The following COLEC11 variants were observed in gnomAD, a reference collection of about 807,000 sequenced individuals.
The protein encoded by COLEC11 is collectin-11.
Under a neutral mutation model 27.3 loss-of-function variants are expected in COLEC11, and 20 were observed. That is an observed-to-expected ratio of 0.73 (90% CI 0.51 to 1.06). The LOEUF (loss-of-function observed/expected upper bound fraction) is 1.06, where lower values mean the gene tolerates loss of function less well. COLEC11 is among the 50% of genes least tolerant of loss of function. COLEC11 has a pLI of 0.00. For synonymous variants in COLEC11, 163 were observed against 154.7 expected, an observed-to-expected ratio of 1.05 and a Z score of -0.40; for missense variants, 310 against 383.0, an observed-to-expected ratio of 0.81 and a Z score of 1.59.
At chr2:3,639,280 G>A (rs1665673225) in intron 4 of COLEC11, among the ~76,000 whole-genome samples, 2 of 152,220 alleles carry the variant, frequency 1.3e-5, no homozygotes, top group African/African-American at 4.8e-5. Flanking sequence ...TCACACATGG[G>A]GATGTGTATA....
chr2:3,607,551 G>GA (rs1662829229), intron 2 of COLEC11, among the ~76,000 whole-genome samples: 1 of 147,344 alleles, frequency 6.8e-6, no homozygotes, highest in Admixed American at 7.1e-5. Context: ...AGGTTCAAGT[G>GA]ATTCTCCTGC....
intron 3 of COLEC11, among the ~76,000 whole-genome samples, chr2:3,627,001 C>T (rs1480950563): frequency 6.6e-6 from 1 of 152,214 alleles, no homozygotes. Context: ...CCCACTGGCT[C>T]TTCTGCCCGT....
chr2:3,617,989 T>G (rs1387250318), intron 3 of COLEC11, among the ~76,000 whole-genome samples: 4 of 152,268 alleles, frequency 2.6e-5, no homozygotes, highest in Non-Finnish European at 5.9e-5. Flanking sequence ...TTTGTATGTC[T>G]TCTTAGAAAA....
chr2:3,634,238 C>T (rs1665222199), intron 3 of COLEC11, among the ~76,000 whole-genome samples: 1 of 152,220 alleles, frequency 6.6e-6, no homozygotes, highest in African/African-American at 2.4e-5. Flanking sequence ...AGGGTACGTC[C>T]TGGGGAAAGG....
chr2:3,635,952 A>C (rs186273450), intron 3 of COLEC11, among the ~76,000 whole-genome samples: 9 of 152,042 alleles, frequency 5.9e-5, no homozygotes, highest in South Asian at 2.1e-4. Context: ...AATGTAAACC[A>C]CTCTCTGCAG....
rs1240455252 is a variant in COLEC11 at position 3,637,518 on chromosome 2, T to A, written c.203-15T>A. On this transcript the variant is annotated splice_polypyrimidine_tract_variant and intron_variant, in intron 3 of 6. Transcript: ENST00000349077. ...CCTGTGCATCGACCAACTTTGCTCT[T>A]ATTGTTTTCTACAGGAGACATGGGG... is the stretch of plus-strand genomic sequence containing the variant. 5 of 1,613,310 alleles carry A rather than the reference T, an allele frequency of 3.1e-6. No homozygotes were observed. Among genetic ancestry groups the A allele is most frequent in the Admixed American group, 3.3e-5 (2 of 60,010 alleles).
At position 3,629,426 on chromosome 2, in the gene COLEC11, A is replaced by G. The variant is rs551915440; in HGVS notation, c.203-8107A>G. ...CTTCTGGGGTTCTCAGTTTAAGCCT[A>G]GGTGCTGACCAACTGTACAAGCTTG... is the stretch of plus-strand genomic sequence containing the variant. On this transcript the variant is annotated intron_variant, in intron 3 of 6. Transcript: ENST00000349077. Among the ~76,000 whole-genome samples the G allele has an allele frequency of 9.8e-5, 15 of 152,362 alleles. No homozygotes were observed. The East Asian group carries it at 2.9e-3, about 29-fold the overall frequency.
chr2:3,604,932 T>G (rs1355555933), intron 2 of COLEC11: 6 of 417,790 alleles, frequency 1.4e-5, no homozygotes, highest in South Asian at 9.0e-5. Context: ...TCCCTGGTGG[T>G]CTAGTGGTTA....
intron 1 of COLEC11, among the ~76,000 whole-genome samples, chr2:3,597,435 G>A (rs1661925751): frequency 6.6e-6 from 1 of 152,112 alleles, no homozygotes; most frequent in Non-Finnish European, 1.5e-5. Context: ...GGCTGCTCTG[G>A]GATCAGCAGA....
chr2:3,641,223 A>T, intron 5 of COLEC11: 1 of 1,304,244 alleles, frequency 7.7e-7, no homozygotes, highest in Non-Finnish European at 1.0e-6. Flanking sequence ...TCTGAATAAA[A>T]GTCCTTGTTT....
At chr2:3,638,041 G>C (rs781081838) in intron 4 of COLEC11, among the ~76,000 whole-genome samples, 1 of 152,212 alleles carries the variant, frequency 6.6e-6, no homozygotes, top group African/African-American at 2.4e-5. Context: ...GTGAGAACAG[G>C]GTGTGGGATG....
chr2:3,638,879 C>G (rs1475379005), intron 4 of COLEC11, among the ~76,000 whole-genome samples: 2 of 152,340 alleles, frequency 1.3e-5, no homozygotes, highest in South Asian at 4.1e-4. Context: ...ACATTGAGTA[C>G]ATTTGCAATG....
chr2:3,616,319 C>T (rs575972070), intron 3 of COLEC11, among the ~76,000 whole-genome samples: 6 of 151,014 alleles, frequency 4.0e-5, no homozygotes, highest in South Asian at 4.2e-4. Flanking sequence ...AGACTATGGG[C>T]GGCCAGGCAG....
In COLEC11 at chr2:3,605,470, C is replaced by T. The variant is rs181721249; in HGVS notation, c.130+1000C>T. Reference sequence around the variant, plus strand: ...GGTGCCGAGGAGGGGAGGGGAGTCACGTGGGTGCTGAGGAGGGGGAGGGGC... The same window carrying T: ...GGTGCCGAGGAGGGGAGGGGAGTCATGTGGGTGCTGAGGAGGGGGAGGGGC... On this transcript the variant is annotated intron_variant, in intron 2 of 6. Coordinates refer to ENST00000349077, the MANE Select transcript of COLEC11 (RefSeq NM_024027.5). 4.1e-3 allele frequency among the ~76,000 whole-genome samples: 90 copies of T among 21,860 alleles called. 2 individuals are homozygous for T. Among genetic ancestry groups the T allele is most frequent in the Non-Finnish European group, 6.8e-3 (69 of 10,138 alleles). 14.3% of individuals were successfully genotyped at this position (21,860 alleles called of 152,430 possible).
At chr2:3,605,165 T>A in intron 2 of COLEC11, 2 of 460,584 alleles carry the variant, frequency 4.3e-6, no homozygotes, top group South Asian at 3.2e-5. Flanking sequence ...GAAATGAAAA[T>A]GTGGGCCCCT....
intron 3 of COLEC11, among the ~76,000 whole-genome samples, chr2:3,616,420 G>A (rs1663739732): frequency 6.6e-6 from 1 of 152,020 alleles, no homozygotes; most frequent in Non-Finnish European, 1.5e-5. Flanking sequence ...CTGGGAGGTG[G>A]AGGTTGTAGC....
intron 3 of COLEC11, among the ~76,000 whole-genome samples, chr2:3,636,396 A>C (rs1240264692): frequency 6.6e-6 from 1 of 152,144 alleles, no homozygotes; most frequent in Non-Finnish European, 1.5e-5. Flanking sequence ...TGGAGCTTGC[A>C]GTGAGCTGAG....
rs1303249182 is a variant in COLEC11 at position 3,622,112 on chromosome 2, T to C, written c.202+8730T>C. Among the ~76,000 whole-genome samples, 5 of 149,266 alleles carry C rather than the reference T, an allele frequency of 3.3e-5. No homozygotes were observed. In the East Asian group the frequency reaches 9.8e-4, roughly 29 times the overall value. ...TGAACCCGGGAGGTGGAGCTTGCAG[T>C]GAGCTGAGATTGTGCCACCGCGCTC... is the stretch of plus-strand genomic sequence containing the variant. On this transcript the variant is annotated intron_variant, in intron 3 of 6. Coordinates refer to ENST00000349077, the MANE Select transcript of COLEC11 (RefSeq NM_024027.5).
chr2:3,596,909 C>T (rs1292790721), intron 1 of COLEC11, among the ~76,000 whole-genome samples: 1 of 152,246 alleles, frequency 6.6e-6, no homozygotes, highest in Non-Finnish European at 1.5e-5. Context: ...TGCCCTCACC[C>T]TGTGCCTACC....
Sources: allele counts gnomAD v4.1 joint callset (sites outside exome capture counted in the v4.1 genomes callset), GRCh38; gene constraint gnomAD v4.1.1; transcripts MANE v1.5; gene names NCBI Gene and HGNC (gene_info 2026-07-23, HGNC 2026-07-21).